Variants in CSMD1 observed in about 807,000 individuals in gnomAD.
CSMD1 encodes CUB and Sushi multiple domains 1.
A neutral mutation model predicts 417.5 loss-of-function variants in CSMD1; 213 were observed. The ratio of observed to expected loss-of-function variants is 0.51; its 90% CI spans 0.46 to 0.57. The LOEUF (loss-of-function observed/expected upper bound fraction) is 0.57, where lower values mean the gene tolerates loss of function less well. Ranked by LOEUF, CSMD1 falls within the 20% of genes least tolerant of loss-of-function variation. The pLI is 0.00. For missense variants in CSMD1, 6,923 were observed against 4,529.7 expected (o/e 1.53, Z -15.17); for synonymous variants, 2,862 against 1,736.8 (o/e 1.65, Z -16.11).
intron 3 of CSMD1, among the ~76,000 whole-genome samples, chr8:4,293,894 T>C (rs1797519413): frequency 6.6e-6 from 1 of 151,896 alleles, no homozygotes; most frequent in South Asian, 2.1e-4. Context: ...TAAGGTTTGA[T>C]AGAGGGATGT....
chr8:4,018,616 G>A (rs1796635214), intron 4 of CSMD1, among the ~76,000 whole-genome samples: 1 of 152,192 alleles, frequency 6.6e-6, no homozygotes, highest in Non-Finnish European at 1.5e-5. Context: ...GACTATTCAG[G>A]ATTCAAGCAC....
At chr8:3,762,545 C>T (rs756662861) in intron 5 of CSMD1, among the ~76,000 whole-genome samples, 3 of 152,224 alleles carry the variant, frequency 2.0e-5, no homozygotes, top group African/African-American at 2.4e-5. Context: ...GAGTCTGTAG[C>T]ACAGGCGTGT....
At chr8:4,946,597 C>A (rs1487060330) in intron 1 of CSMD1, among the ~76,000 whole-genome samples, 1 of 152,116 alleles carries the variant, frequency 6.6e-6, no homozygotes, top group Non-Finnish European at 1.5e-5. Flanking sequence ...AAATTCTAGG[C>A]TTATGTCTAA....
chr8:4,736,911 T>A (rs888950683), intron 1 of CSMD1, among the ~76,000 whole-genome samples: 17 of 152,152 alleles, frequency 1.1e-4, no homozygotes, highest in African/African-American at 4.1e-4. Context: ...GTCATCATCA[T>A]CCTCTTTGTA....
At chr8:4,499,040 C>T (rs150314374) in intron 2 of CSMD1, among the ~76,000 whole-genome samples, 1 of 151,946 alleles carries the variant, frequency 6.6e-6, no homozygotes, top group Admixed American at 6.6e-5. Flanking sequence ...ATATCTAGTA[C>T]AGATCTCTTA....
At chr8:4,764,385 T>C (rs1812309433) in intron 1 of CSMD1, among the ~76,000 whole-genome samples, 1 of 152,204 alleles carries the variant, frequency 6.6e-6, no homozygotes, top group African/African-American at 2.4e-5. Context: ...AGATTAATAA[T>C]TTTCTGGCAT....
intron 42 of CSMD1, among the ~76,000 whole-genome samples, chr8:3,114,008 A>C (rs763610532): frequency 6.6e-6 from 1 of 152,138 alleles, no homozygotes; most frequent in Non-Finnish European, 1.5e-5. Flanking sequence ...ATTTGACCCC[A>C]GGAGTTCGAG....
intron 1 of CSMD1, among the ~76,000 whole-genome samples, chr8:4,948,787 T>A (rs2117272446): frequency 6.6e-6 from 1 of 152,250 alleles, no homozygotes; most frequent in African/African-American, 2.4e-5. Flanking sequence ...AGTCTTAACG[T>A]GTTTTTATAT....
chr8:4,765,339 T>C (rs1256219482), intron 1 of CSMD1, among the ~76,000 whole-genome samples: 1 of 152,198 alleles, frequency 6.6e-6, no homozygotes, highest in Non-Finnish European at 1.5e-5. Context: ...TCATTTTCAC[T>C]TCATTGTTCT....
chr8:4,805,455 G>T (rs1488674535), intron 1 of CSMD1, among the ~76,000 whole-genome samples: 1 of 152,100 alleles, frequency 6.6e-6, no homozygotes, highest in Non-Finnish European at 1.5e-5. Flanking sequence ...GGCTCAGTGG[G>T]TTGAGAAGCC....
chr8:3,763,253 T>A (rs1798107095), intron 5 of CSMD1, among the ~76,000 whole-genome samples: 1 of 152,154 alleles, frequency 6.6e-6, no homozygotes, highest in South Asian at 2.1e-4. Flanking sequence ...CTAGGGTGCT[T>A]ATACTTCGGA....
intron 31 of CSMD1, among the ~76,000 whole-genome samples, chr8:3,202,020 G>A (rs1043941105): frequency 6.6e-6 from 1 of 152,058 alleles, no homozygotes; most frequent in Non-Finnish European, 1.5e-5. Context: ...AAGAATATAT[G>A]GGCTGGATGT....
In CSMD1 at chr8:3,308,303, C is replaced by G. The variant is rs371184822; in HGVS notation, c.3823+9G>C. 33 of 1,593,574 alleles carry G rather than the reference C, an allele frequency of 2.1e-5. No individual in the cohort carries two copies. Among genetic ancestry groups the G allele is most frequent in the Non-Finnish European group, 2.7e-5 (31 of 1,164,298 alleles). On this transcript the variant is annotated intron_variant, in intron 24 of 69. Coordinates refer to ENST00000635120, the MANE Select transcript of CSMD1 (RefSeq NM_033225.6). ...TTTTGCACAATGGTATGACTGCTTC[C>G]ACACTCACCTATGCACGAAGGTAGT...
rs181040230 is a variant in CSMD1 at position 4,119,770 on chromosome 8, A to G, written c.416-87671T>C. 1.6e-4 allele frequency among the ~76,000 whole-genome samples: 25 copies of G among 152,310 alleles called. 1 individual carries two copies. In the East Asian group the frequency reaches 4.5e-3, roughly 27 times the overall value. On this transcript the variant is annotated intron_variant, in intron 3 of 69. Coordinates refer to ENST00000635120, the MANE Select transcript of CSMD1 (RefSeq NM_033225.6). ...AAATGAACATCCATGGCATTTTGCT[A>G]CAGCAGCCTGAGCTGAGTAACAAAA...
At chr8:4,861,880 A>C (rs1260846234) in intron 1 of CSMD1, among the ~76,000 whole-genome samples, 1 of 152,128 alleles carries the variant, frequency 6.6e-6, no homozygotes, top group Non-Finnish European at 1.5e-5. Context: ...AGAGGAAGAG[A>C]GACAGAGGGA....
At chr8:3,679,751 C>T (rs1392565713) in intron 7 of CSMD1, among the ~76,000 whole-genome samples, 1 of 152,162 alleles carries the variant, frequency 6.6e-6, no homozygotes, top group Non-Finnish European at 1.5e-5. Flanking sequence ...AGCATCACAC[C>T]ACACTTATTT....
intron 26 of CSMD1, among the ~76,000 whole-genome samples, chr8:3,242,585 C>A (rs371973200): frequency 6.6e-6 from 1 of 151,934 alleles, no homozygotes; most frequent in African/African-American, 2.4e-5. Flanking sequence ...TGGGGTCAAG[C>A]GGCATTGCAG....
chr8:3,307,545 G>T, intron 25 of CSMD1, 150 bp downstream of exon 25: 1 of 869,446 alleles, frequency 1.2e-6, no homozygotes, highest in Non-Finnish European at 1.7e-6. Flanking sequence ...GTAAGCAAGT[G>T]AGCCAACAAA....
intron 5 of CSMD1, among the ~76,000 whole-genome samples, chr8:3,991,181 G>A (rs150056955): frequency 2.0e-4 from 30 of 152,280 alleles, no homozygotes; most frequent in African/African-American, 5.3e-4. Context: ...ATCCACCCAG[G>A]TGAAAACAAA....
Sources: gnomAD v4.1 joint callset for allele counts (sites outside exome capture counted in the v4.1 genomes callset) on GRCh38, gnomAD v4.1.1 for gene constraint, MANE v1.5 for transcripts, NCBI Gene and HGNC (gene_info 2026-07-23, HGNC 2026-07-21) for gene names.